The following DENND5B variants were observed in gnomAD, a reference collection of about 807,000 sequenced individuals.
DENND5B encodes the protein DENN domain containing 5B, also known as DENN domain-containing protein 5B.
DENND5B carries 34 observed loss-of-function variants against 140.6 expected under a neutral mutation model. That is an observed-to-expected ratio of 0.24 (90% CI 0.18 to 0.32). The LOEUF is 0.32. Ranked by LOEUF, DENND5B falls within the 10% of genes least tolerant of loss-of-function variation. The pLI is 1.00. For synonymous variants in DENND5B, 551 were observed against 562.1 expected (o/e 0.98, Z 0.28); for missense variants, 1,142 against 1,560.2 (o/e 0.73, Z 4.52).
intron 3 of DENND5B, among the ~76,000 whole-genome samples, chr12:31,463,814 C>T (rs764436605): frequency 2.0e-5 from 3 of 152,096 alleles, no homozygotes; most frequent in East Asian, 3.9e-4. Flanking sequence ...TACAGGCACA[C>T]GCCACCACAC....
intron 8 of DENND5B, chr12:31,432,059 A>G: frequency 2.0e-6 from 2 of 985,228 alleles, no homozygotes; most frequent in Non-Finnish European, 1.2e-6. Context: ...GCACTCAGAG[A>G]AGGATTTTTT....
chr12:31,493,456 G>A (rs1387334473), intron 2 of DENND5B, among the ~76,000 whole-genome samples: 2 of 152,200 alleles, frequency 1.3e-5, no homozygotes, highest in Admixed American at 1.3e-4. Context: ...CACTTTGGGA[G>A]GCTGAGGCGG....
At chr12:31,493,684 A>T (rs1373257843) in intron 2 of DENND5B, among the ~76,000 whole-genome samples, 1 of 151,968 alleles carries the variant, frequency 6.6e-6, no homozygotes, top group African/African-American at 2.4e-5. Context: ...ACAAAAGATT[A>T]GCTGGGCATA....
intron 9 of DENND5B, 35 bp from the exon 10 acceptor site, chr12:31,424,722 G>T (rs1943160182): frequency 2.5e-6 from 4 of 1,598,264 alleles, no homozygotes; most frequent in Non-Finnish European, 3.4e-6. Flanking sequence ...AGGCACCCCA[G>T]CAGTGAAACC....
At chr12:31,468,490 A>G (rs1357892712) in intron 3 of DENND5B, among the ~76,000 whole-genome samples, 1 of 152,126 alleles carries the variant, frequency 6.6e-6, no homozygotes, top group African/African-American at 2.4e-5. Context: ...GAAGATACCA[A>G]TGAAAGTAAA....
intron 13 of DENND5B, 77 bp from the exon 14 acceptor site, chr12:31,409,461 C>G (rs377593909): frequency 3.1e-6 from 2 of 646,358 alleles, no homozygotes; most frequent in African/African-American, 4.1e-5. Flanking sequence ...GTATCATGTA[C>G]TTTTCATTAT....
At chr12:31,450,747 C>T (rs531900999) in intron 5 of DENND5B, among the ~76,000 whole-genome samples, 36 of 152,160 alleles carry the variant, frequency 2.4e-4, no homozygotes, top group Non-Finnish European at 4.7e-4. Context: ...CTTTAGAAGG[C>T]CTTTCATGAC....
At chr12:31,565,671 A>T (rs1422356384) in intron 1 of DENND5B, among the ~76,000 whole-genome samples, 2 of 152,220 alleles carry the variant, frequency 1.3e-5, no homozygotes, top group Non-Finnish European at 2.9e-5. Flanking sequence ...CATGAGAATG[A>T]TTAAGTTTCT....
At chr12:31,581,693 C>CAA (rs139320385) in intron 1 of DENND5B, among the ~76,000 whole-genome samples, 34,535 of 118,692 alleles carry the variant, frequency 0.29, 5,296 homozygotes, top group Non-Finnish European at 0.31. Flanking sequence ...AACTCTGTCT[C>CAA]AAAAAAAAAA....
In DENND5B at chr12:31,416,724, C is replaced by T. The variant is rs943256100; in HGVS notation, c.2471-1276G>A. Among the ~76,000 whole-genome samples, 8 of 151,576 alleles carry T rather than the reference C, an allele frequency of 5.3e-5. No homozygotes were observed. The South Asian group carries it at 6.3e-4, about 12-fold the overall frequency. On this transcript the variant is annotated intron_variant, in intron 11 of 20. Transcript: ENST00000389082. ...TTTGAAAAAAAATCTAAGCTGTGTA[C>T]GGTGGCTCACTCCTGTAATCCCAAC...
chr12:31,497,140 C>T (rs1237904253), intron 1 of DENND5B, among the ~76,000 whole-genome samples: 5 of 149,916 alleles, frequency 3.3e-5, no homozygotes, highest in Non-Finnish European at 5.9e-5. Context: ...CAAAACAGAT[C>T]GCAGAAGGAC....
At position 31,442,806 on chromosome 12, in the gene DENND5B, C is replaced by A. The variant is rs1171811242; in HGVS notation, c.1981G>T (p.Asp661Tyr). The change falls in exon 7 of 21, where the codon GAT becomes TAT. Residue 661 changes from aspartate (D) to tyrosine (Y), a missense_variant. By Grantham distance (160) the Asp-to-Tyr change is radical. Transcript: ENST00000389082. Reference sequence around the variant, plus strand: ...CTGGTTGGTCCTGTTGCCAAGACATCGGACTGTAACTTTGGAAAGAACCCC... The same window carrying A: ...CTGGTTGGTCCTGTTGCCAAGACATAGGACTGTAACTTTGGAAAGAACCCC... Reference protein sequence around the residue: ...EQGFFPKLQSDVLATGPTSNN... With the variant: ...EQGFFPKLQSYVLATGPTSNN... 2.5e-6 allele frequency: 4 copies of A among 1,613,620 alleles called. No homozygotes were observed. The highest frequency in any genetic ancestry group is 3.4e-6 in the Non-Finnish European group (4 of 1,179,762).
At chr12:31,432,612 C>A (rs1334647623) in intron 8 of DENND5B, 1 of 152,224 alleles carries the variant, frequency 6.6e-6, no homozygotes, top group Non-Finnish European at 1.5e-5. Context: ...AGATTTCACA[C>A]AGAAAAAAAT....
intron 1 of DENND5B, among the ~76,000 whole-genome samples, chr12:31,570,545 G>C (rs1949785530): frequency 6.6e-6 from 1 of 150,396 alleles, no homozygotes; most frequent in Non-Finnish European, 1.5e-5. Context: ...CCAAAGTGCT[G>C]GGATTACAGG....
At chr12:31,454,437 C>T (rs550137765) in intron 4 of DENND5B, among the ~76,000 whole-genome samples, 1 of 152,226 alleles carries the variant, frequency 6.6e-6, no homozygotes, top group East Asian at 1.9e-4. Flanking sequence ...GCACTGCCTA[C>T]ACCATTCTTT....
chr12:31,498,575 A>T (rs1343640933), intron 1 of DENND5B, among the ~76,000 whole-genome samples: 1 of 152,234 alleles, frequency 6.6e-6, no homozygotes, highest in Non-Finnish European at 1.5e-5. Flanking sequence ...AAGGGGTAAC[A>T]GGAAAGATCA....
At chr12:31,562,962 G>A (rs1191952494) in intron 1 of DENND5B, among the ~76,000 whole-genome samples, 2 of 148,186 alleles carry the variant, frequency 1.3e-5, no homozygotes, top group Admixed American at 6.8e-5. Context: ...AAATACTTAC[G>A]TAGATAAGGC....
chr12:31,471,461 A>ATTTTTTTTTTTTT (rs747862984), intron 3 of DENND5B, among the ~76,000 whole-genome samples: 2 of 111,934 alleles, frequency 1.8e-5, no homozygotes, highest in African/African-American at 3.5e-5. Context: ...CCATGCCTGT[A>ATTTTTTTTTTTTT]TTTTTTTTTT....
chr12:31,516,107 TA>T (rs1185081544), intron 1 of DENND5B, among the ~76,000 whole-genome samples: 1 of 152,220 alleles, frequency 6.6e-6, no homozygotes, highest in Non-Finnish European at 1.5e-5. Flanking sequence ...TGATAATTAC[TA>T]AAGTATGTCA....
Sources: gnomAD v4.1 joint callset for allele counts (sites outside exome capture counted in the v4.1 genomes callset) on GRCh38, gnomAD v4.1.1 for gene constraint, MANE v1.5 for transcripts, NCBI Gene and HGNC (gene_info 2026-07-23, HGNC 2026-07-21) for gene names.